The following RHBDF1 variants were observed in gnomAD, a reference collection of about 807,000 sequenced individuals.
RHBDF1 encodes rhomboid 5 homolog 1.
RHBDF1 carries 80 observed loss-of-function variants against 98.6 expected under a neutral mutation model. The observed-to-expected ratio is 0.81, with a 90% confidence interval of 0.68 to 0.98. The LOEUF is 0.98. Ranked by LOEUF, RHBDF1 falls within the 50% of genes least tolerant of loss-of-function variation. The probability of loss-of-function intolerance (pLI) is 0.00; values close to 1 mark genes in which losing one functional copy is unlikely to be tolerated. For synonymous variants in RHBDF1, 512 were observed against 486.8 expected (o/e 1.05, Z -0.68); for missense variants, 1,116 against 1,198.3 (o/e 0.93, Z 1.01).
chr16:70,725 G>C (rs1897947935), intron 1 of RHBDF1, among the ~76,000 whole-genome samples: 1 of 152,160 alleles, frequency 6.6e-6, no homozygotes, highest in Admixed American at 6.5e-5. Flanking sequence ...CCTTGGGCCA[G>C]GTCTGCCCAG....
In RHBDF1 at chr16:58,712, C is replaced by A; in HGVS notation, c.2196G>T (p.Val732=). The A allele has an allele frequency of 6.2e-7, 1 of 1,612,918 alleles. No individual in the cohort carries two copies. The highest frequency in any genetic ancestry group is 8.5e-7 in the Non-Finnish European group (1 of 1,179,868). The stretch of plus-strand genomic sequence containing the variant: ...GGATCTGCCAGCTCTGGAAGAGCTC[C>A]ACGAAGAGGCAGGCCAGGATGCCGA... ...SQFGILACLF[V]ELFQSWQILA... Residue 732 remains valine (V), a synonymous_variant, in exon 18 of 18, where the codon GTG becomes GTT. Coordinates refer to ENST00000262316, the MANE Select transcript of RHBDF1 (RefSeq NM_022450.5).
chr16:70,880 G>C (rs145352714), intron 1 of RHBDF1, among the ~76,000 whole-genome samples: 47 of 152,342 alleles, frequency 3.1e-4, no homozygotes, highest in Non-Finnish European at 5.0e-4. Context: ...CTCAGTTGAA[G>C]AAGGAAGGAC....
At chr16:63,224 C>T in intron 4 of RHBDF1, 42 bp from the exon 5 acceptor site, 1 of 1,484,530 alleles carries the variant, frequency 6.7e-7, no homozygotes, top group Non-Finnish European at 9.1e-7. Flanking sequence ...ACCATGGGGG[C>T]TCCTAGCTCA....
intron 1 of RHBDF1, among the ~76,000 whole-genome samples, chr16:70,184 G>A (rs1325417193): frequency 2.6e-5 from 4 of 152,346 alleles, no homozygotes; most frequent in African/African-American, 9.6e-5. Context: ...GTCAGAAAGG[G>A]GATGGCAGCA....
At chr16:70,344 G>A (rs535051686) in intron 1 of RHBDF1, among the ~76,000 whole-genome samples, 49 of 152,302 alleles carry the variant, frequency 3.2e-4, no homozygotes, top group Middle Eastern at 3.4e-3. Context: ...CCCTGCACAC[G>A]TCTGGCCAGA....
rs747033872 is a variant in RHBDF1, at chr16:61,818, G to A, written c.1188C>T (p.Ile396=). The change falls in exon 8 of 18, where the codon ATC becomes ATT. Residue 396 remains isoleucine, a synonymous_variant. Transcript: ENST00000262316. Reference sequence around the variant, plus strand: ...CCTACCTGTGGTCGTCCATGTCCTCGATCTGGCGCTTGACGAAGCTGTCGA... The same window carrying A: ...CCTACCTGTGGTCGTCCATGTCCTCAATCTGGCGCTTGACGAAGCTGTCGA... ...KRIDSFVKRQ[I]EDMDDHRPFF... The A allele has an allele frequency of 6.2e-7, 1 of 1,612,784 alleles. No homozygotes were observed.
Position 72,595 on chromosome 16 carries a change from CCCCGCCCGCCCGCCGGTCCGG to C in RHBDF1, c.-128_-108del. 1.0e-6 allele frequency: 1 copy of C among 972,540 alleles called. No individual in the cohort carries two copies. Among genetic ancestry groups the C allele is most frequent in the Non-Finnish European group, 1.2e-6 (1 of 822,850 alleles). 60.2% of individuals were successfully genotyped at this position (972,540 alleles called of 1,614,324 possible). ...CTGGCCGGGAGGGCCCGCGCCGAGT[CCCCGCCCGCCCGCCGGTCCGG>C]CCCGCCCGGGAATGCCCTGGAGCGA... On this transcript the variant is annotated 5_prime_UTR_variant, in exon 1 of 18. Transcript: ENST00000262316.
At chr16:61,335 G>A (rs2141848394) in intron 10 of RHBDF1, 50 bp downstream of exon 10, 9 of 1,543,958 alleles carry the variant, frequency 5.8e-6, no homozygotes, top group Non-Finnish European at 7.9e-6. Flanking sequence ...CCCCCGCCGG[G>A]CACCTCCAGG....
rs1897513367 is a variant in RHBDF1 at position 59,329 on chromosome 16, C to T, written c.1914G>A (p.Val638=). 1 of 1,612,372 alleles carries T rather than the reference C, an allele frequency of 6.2e-7. No homozygotes were observed. The highest frequency in any genetic ancestry group is 8.5e-7 in the Non-Finnish European group (1 of 1,179,050). ...GGTTGAGAAAAGGCAGGAGCCCACACACATCATCCATGCAGTGCACCTGCG... is the reference window on the plus strand; with the variant it reads ...GGTTGAGAAAAGGCAGGAGCCCACATACATCATCCATGCAGTGCACCTGCG... ...LCSQVHCMDD[V]CGLLPFLNPE... is the part of the protein sequence containing the mutation. Residue 638 remains valine, a synonymous_variant, in exon 16 of 18, where the codon GTG becomes GTA. Coordinates refer to ENST00000262316, the MANE Select transcript of RHBDF1 (RefSeq NM_022450.5).
rs1430521746 is a variant in RHBDF1 at position 72,595 on chromosome 16, CCCCG to C, written c.-111_-108del. The C allele has an allele frequency of 2.1e-6, 2 of 972,232 alleles. No individual in the cohort carries two copies. The highest frequency in any genetic ancestry group is 4.9e-5 in the South Asian group (1 of 20,604). The allele number at this position is 972,232 out of a possible 1,614,324, so 60.2% of individuals were successfully genotyped here. Reference sequence around the variant, plus strand: ...CTGGCCGGGAGGGCCCGCGCCGAGTCCCCGCCCGCCCGCCGGTCCGGCCCGCCCG... The same window carrying C: ...CTGGCCGGGAGGGCCCGCGCCGAGTCCCCGCCCGCCGGTCCGGCCCGCCCG... On this transcript the variant is annotated 5_prime_UTR_variant, in exon 1 of 18. Coordinates refer to ENST00000262316, the MANE Select transcript of RHBDF1 (RefSeq NM_022450.5).
intron 5 of RHBDF1, 37 bp from the exon 6 acceptor site, chr16:62,934 G>C: frequency 6.2e-7 from 1 of 1,612,872 alleles, no homozygotes; most frequent in Non-Finnish European, 8.5e-7. Context: ...CCCGGCTGCT[G>C]GGTCGGCCCC....
intron 13 of RHBDF1, 107 bp downstream of exon 13, chr16:60,109 G>C (rs1157155307): frequency 1.9e-6 from 3 of 1,580,870 alleles, no homozygotes; most frequent in Non-Finnish European, 2.6e-6. Flanking sequence ...CTGAAAACGT[G>C]AGGTGGTCCC....
intron 11 of RHBDF1, chr16:60,820 G>T (rs1213968017): frequency 1.1e-5 from 6 of 563,822 alleles, no homozygotes; most frequent in Middle Eastern, 4.5e-4. Context: ...AAGTTGGGAT[G>T]AATTTTTTTA....
In RHBDF1 at chr16:58,363, C is replaced by T. The variant is rs748250201; in HGVS notation, c.2545G>A (p.Glu849Lys). The T allele has an allele frequency of 8.7e-6, 14 of 1,613,050 alleles. No homozygotes were observed. Among genetic ancestry groups the T allele is most frequent in the South Asian group, 2.2e-5 (2 of 91,034 alleles). Residue 849 changes from glutamate to lysine, a missense_variant, in exon 18 of 18, where the codon GAA (glutamate) becomes AAA (lysine). Coordinates refer to ENST00000262316, the MANE Select transcript of RHBDF1 (RefSeq NM_022450.5). ...GCTCAGTGGAGCTGAGCGTCCAGTT[C>T]GTACTTCTCACAGAACTTGTCAGTG... ...PFTDKFCEKY[E>K]LDAQLH
chr16:65,133 C>CA, intron 1 of RHBDF1, 94 bp from the exon 2 acceptor site: 2 of 1,347,558 alleles, frequency 1.5e-6, no homozygotes, highest in South Asian at 1.6e-5. Flanking sequence ...CAGTGATGAG[C>CA]CCAACCGTGG....
intron 1 of RHBDF1, among the ~76,000 whole-genome samples, chr16:68,579 C>T (rs216607): frequency 0.019 from 2,893 of 152,342 alleles, 80 homozygotes; most frequent in African/African-American, 0.066. Flanking sequence ...ATCTGAGTCA[C>T]TGCAGCAGCC....
chr16:67,240 T>C (rs1897853344), intron 1 of RHBDF1, among the ~76,000 whole-genome samples: 1 of 152,218 alleles, frequency 6.6e-6, no homozygotes, highest in Non-Finnish European at 1.5e-5. Context: ...TGGGACAGCA[T>C]TCTGAGTACA....
At position 62,863 on chromosome 16, in the gene RHBDF1, G is replaced by A. The variant is rs745574161; in HGVS notation, c.707C>T (p.Ala236Val). 1 of 1,613,944 alleles carries A rather than the reference G, an allele frequency of 6.2e-7. No homozygotes were observed. The highest frequency in any genetic ancestry group is 1.1e-5 in the South Asian group (1 of 91,090). The part of the protein sequence containing the change: ...RSVRDGTFRR[A>V]QRRSFTPASF... Reference sequence around the variant, plus strand: ...AGCTGGAGTGAAGCTTCGACGCTGTGCCCGGCGAAAGGTGCCATCCCTAAC... The same window carrying A: ...AGCTGGAGTGAAGCTTCGACGCTGTACCCGGCGAAAGGTGCCATCCCTAAC... The change falls in exon 6 of 18, where the codon GCA becomes GTA. Residue 236 changes from alanine to valine, a missense_variant. Ala to Val is a moderately conservative substitution (Grantham distance 64, BLOSUM62 0). Coordinates refer to ENST00000262316, the MANE Select transcript of RHBDF1 (RefSeq NM_022450.5).
At position 63,106 on chromosome 16, in the gene RHBDF1, G is replaced by A; in HGVS notation, c.539C>T (p.Thr180Ile). Residue 180 changes from threonine to isoleucine, a missense_variant, in exon 5 of 18, where the codon ACT becomes ATT. By Grantham distance (89) the Thr-to-Ile change is moderately conservative (BLOSUM62 -1). Transcript: ENST00000262316. ...DTAEGLSAPH[T>I]PVTPGAASLC... is the part of the protein sequence containing the mutation. ...GGAGGCAGCACCCGGCGTGACGGGA[G>A]TGTGTGGGGCACTCAGGCCTTCCGC... is the stretch of plus-strand genomic sequence containing the variant. The A allele has an allele frequency of 6.2e-7, 1 of 1,607,694 alleles. No homozygotes were observed. The highest frequency in any genetic ancestry group is 8.5e-7 in the Non-Finnish European group (1 of 1,177,718).
Sources: allele counts gnomAD v4.1 joint callset (sites outside exome capture counted in the v4.1 genomes callset), GRCh38; gene constraint gnomAD v4.1.1; transcripts MANE v1.5; gene names NCBI Gene and HGNC (gene_info 2026-07-23, HGNC 2026-07-21).